The following FMN1 variants were observed in gnomAD, a reference collection of about 807,000 sequenced individuals.
FMN1 encodes formin 1.
A neutral mutation model predicts 132.4 loss-of-function variants in FMN1; 110 were observed. That is an observed-to-expected ratio of 0.83 (90% confidence interval 0.71 to 0.97). The LOEUF is 0.97. Among genes scored for constraint, FMN1 ranks in the 50% least tolerant of loss-of-function variants. The pLI is 0.00. For synonymous variants in FMN1, 722 were observed against 651.7 expected, an observed-to-expected ratio of 1.11 and a Z score of -1.64; for missense variants, 1,792 against 1,705.3, an observed-to-expected ratio of 1.05 and a Z score of -0.90.
intron 6 of FMN1, among the ~76,000 whole-genome samples, chr15:33,058,036 C>CGGGCTGGGGGTGGAAAGGTGTGGTG (rs2037307716): frequency 6.8e-6 from 1 of 146,662 alleles, no homozygotes; most frequent in African/African-American, 2.5e-5. Context: ...AAAGGCGTGG[C>CGGGCTGGGGGTGGAAAGGTGTGGTG]GGGCTGGTGG....
chr15:32,859,875 A>C (rs954795790), intron 16 of FMN1, among the ~76,000 whole-genome samples: 2 of 152,102 alleles, frequency 1.3e-5, no homozygotes, highest in Admixed American at 1.3e-4. Flanking sequence ...GTCTCTCAAA[A>C]AAAATTTTTT....
intron 16 of FMN1, among the ~76,000 whole-genome samples, chr15:32,876,579 C>T (rs916707437): frequency 4.6e-5 from 7 of 152,210 alleles, no homozygotes; most frequent in Non-Finnish European, 1.0e-4. Flanking sequence ...GAACTCTCTA[C>T]TCTTTGCAAC....
intron 3 of FMN1, among the ~76,000 whole-genome samples, chr15:33,173,155 T>A (rs577097924): frequency 6.6e-6 from 1 of 152,182 alleles, no homozygotes; most frequent in South Asian, 2.1e-4. Flanking sequence ...GAATAAGGAA[T>A]CCTTTATAGG....
At chr15:32,982,110 A>G (rs1414471045) in intron 7 of FMN1, among the ~76,000 whole-genome samples, 3 of 152,246 alleles carry the variant, frequency 2.0e-5, no homozygotes, top group Admixed American at 1.3e-4. Flanking sequence ...AGAGAGATAT[A>G]CGAATAGCAA....
chr15:32,822,413 C>G (rs1596010606), intron 17 of FMN1, among the ~76,000 whole-genome samples: 1 of 152,140 alleles, frequency 6.6e-6, no homozygotes, highest in African/African-American at 2.4e-5. Context: ...CTGCGTTTCT[C>G]AAAAGAATTT....
At chr15:32,938,118 G>A (rs371546791) in intron 9 of FMN1, among the ~76,000 whole-genome samples, 5 of 152,142 alleles carry the variant, frequency 3.3e-5, no homozygotes, top group South Asian at 2.1e-4. Context: ...ACTGTGTAGC[G>A]TGTTTTTTTC....
intron 4 of FMN1, among the ~76,000 whole-genome samples, chr15:33,111,555 C>A (rs546382499): frequency 1.3e-5 from 2 of 152,088 alleles, no homozygotes; most frequent in Non-Finnish European, 2.9e-5. Context: ...CGCATAATAG[C>A]CAAAAGGTGG....
intron 17 of FMN1, among the ~76,000 whole-genome samples, chr15:32,837,962 C>T (rs1389367070): frequency 6.6e-6 from 1 of 152,100 alleles, no homozygotes; most frequent in Non-Finnish European, 1.5e-5. Context: ...GTGCTATTGC[C>T]TCATTTATGT....
intron 9 of FMN1, among the ~76,000 whole-genome samples, chr15:32,945,115 T>C (rs2061481687): frequency 6.6e-6 from 1 of 152,164 alleles, no homozygotes; most frequent in Non-Finnish European, 1.5e-5. Flanking sequence ...CTAATAATCT[T>C]CTAGGTGATT....
intron 6 of FMN1, among the ~76,000 whole-genome samples, chr15:33,052,111 A>G (rs1012831814): frequency 6.6e-6 from 1 of 152,176 alleles, no homozygotes; most frequent in Non-Finnish European, 1.5e-5. Context: ...CTTTCTGGAC[A>G]TCTATTTCTC....
intron 3 of FMN1, among the ~76,000 whole-genome samples, chr15:33,163,074 A>G (rs558148673): frequency 2.0e-5 from 3 of 152,244 alleles, no homozygotes; most frequent in East Asian, 3.9e-4. Context: ...GTGAGCCGAG[A>G]TCACGCCACT....
Position 33,154,282 on chromosome 15 carries a change from A to G in FMN1, c.633T>C (p.Leu211=). The change falls in exon 4 of 21, where the codon CTT becomes CTC. Residue 211 remains leucine, a synonymous_variant. Coordinates refer to ENST00000616417, the MANE Select transcript of FMN1 (RefSeq NM_001277313.2). ...SLPLSRTRPN[L]WVLEEKGNLL... Reference sequence around the variant, plus strand: ...GATTTCCTTTCTCCTCTAGTACCCAAAGGTTAGGCCTTGTTCTAGAAAGAG... The same window carrying G: ...GATTTCCTTTCTCCTCTAGTACCCAGAGGTTAGGCCTTGTTCTAGAAAGAG... 1.3e-6 allele frequency: 2 copies of G among 1,536,132 alleles called. No homozygotes were observed. The highest frequency in any genetic ancestry group is 1.2e-5 in the South Asian group (1 of 84,050).
At chr15:33,100,919 TAAG>T (rs2039268658) in intron 4 of FMN1, among the ~76,000 whole-genome samples, 1 of 152,176 alleles carries the variant, frequency 6.6e-6, no homozygotes, top group African/African-American at 2.4e-5. Context: ...ATGTAATACA[TAAG>T]AAAATGTTCA....
intron 9 of FMN1, among the ~76,000 whole-genome samples, chr15:32,930,061 C>T (rs1201053859): frequency 6.9e-6 from 1 of 145,254 alleles, no homozygotes; most frequent in Non-Finnish European, 1.5e-5. Flanking sequence ...TTGATCTCGC[C>T]TCACTGCAAG....
At chr15:33,018,919 G>C (rs978761604) in intron 6 of FMN1, among the ~76,000 whole-genome samples, 1 of 152,190 alleles carries the variant, frequency 6.6e-6, no homozygotes, top group Non-Finnish European at 1.5e-5. Flanking sequence ...CAGGAGTGAA[G>C]CTGCAGACCT....
intron 2 of FMN1, among the ~76,000 whole-genome samples, chr15:33,181,355 C>T (rs1262925438): frequency 1.3e-5 from 2 of 152,216 alleles, no homozygotes; most frequent in Non-Finnish European, 2.9e-5. Context: ...GATGTCTCTC[C>T]TGCCTCTTCC....
intron 7 of FMN1, among the ~76,000 whole-genome samples, chr15:32,973,309 A>G (rs2031937111): frequency 6.6e-6 from 1 of 152,152 alleles, no homozygotes; most frequent in Non-Finnish European, 1.5e-5. Context: ...TTTCCTAAAC[A>G]GGTCCATGCT....
intron 6 of FMN1, among the ~76,000 whole-genome samples, chr15:33,049,533 A>G (rs949789619): frequency 5.3e-5 from 8 of 152,232 alleles, no homozygotes; most frequent in African/African-American, 9.6e-5. Flanking sequence ...AGTAATGACT[A>G]AAGTTTTGGT....
chr15:33,013,636 C>T (rs574610574), intron 6 of FMN1, among the ~76,000 whole-genome samples: 2 of 152,226 alleles, frequency 1.3e-5, no homozygotes, highest in African/African-American at 4.8e-5. Context: ...TGGTTACATT[C>T]GTTTCCTCAA....
Sources: gnomAD v4.1 joint callset for allele counts (sites outside exome capture counted in the v4.1 genomes callset) on GRCh38, gnomAD v4.1.1 for gene constraint, MANE v1.5 for transcripts, NCBI Gene and HGNC (gene_info 2026-07-23, HGNC 2026-07-21) for gene names.